FAT4: variants seen among roughly 807,000 people sequenced by gnomAD.
FAT4 encodes protocadherin Fat 4.
FAT4 carries 84 observed loss-of-function variants against 303.9 expected under a neutral mutation model. The observed-to-expected ratio is 0.28, with a 90% CI of 0.23 to 0.33. The LOEUF is 0.33. FAT4 is among the 10% of genes least tolerant of loss of function. The pLI is 1.00. For synonymous variants in FAT4, 2,307 were observed against 2,298.8 expected (o/e 1.00, Z -0.10); for missense variants, 6,005 against 6,146.8 (o/e 0.98, Z 0.77).
chr4:125,411,284 G>A (rs527890128), intron 5 of FAT4, among the ~76,000 whole-genome samples: 8 of 151,996 alleles, frequency 5.3e-5, no homozygotes, highest in Admixed American at 5.2e-4. Context: ...TTCACAAGAA[G>A]GGTAATACCT....
chr4:125,416,695 C>G (rs1735088777), intron 7 of FAT4, 73 bp downstream of exon 7: 20 of 1,512,436 alleles, frequency 1.3e-5, no homozygotes, highest in Non-Finnish European at 1.6e-5. Flanking sequence ...CCTGTAACCC[C>G]AGCACTTTGG....
chr4:125,397,294 G>C (rs1279715841), intron 2 of FAT4, among the ~76,000 whole-genome samples: 1 of 152,096 alleles, frequency 6.6e-6, no homozygotes, highest in East Asian at 1.9e-4. Flanking sequence ...CTGAGGCTAA[G>C]AGAAATTAAG....
chr4:125,476,222 T>C lies in FAT4; in HGVS notation c.12265T>C (p.Cys4089Arg). The change falls in exon 13 of 18, where the codon TGT becomes CGT. Residue 4089 changes from cysteine to arginine, a missense_variant. Transcript: ENST00000394329. ...SCSENQEPGY[C>R]TVSNVAVSDD... The stretch of plus-strand genomic sequence containing the variant: ...TTCTGAGAACCAAGAGCCAGGATAT[T>C]GTACTGTCAGTAATGTGGCAGTTTC... The C allele has an allele frequency of 6.2e-7, 1 of 1,600,690 alleles. No individual in the cohort carries two copies. Among genetic ancestry groups the C allele is most frequent in the Non-Finnish European group, 8.5e-7 (1 of 1,171,210 alleles).
Position 125,451,090 on chromosome 4 carries a change from T to C in FAT4, c.10080T>C (p.Ser3360=). 2 of 1,614,146 alleles carry C rather than the reference T, an allele frequency of 1.2e-6. No homozygotes were observed. Among genetic ancestry groups the C allele is most frequent in the South Asian group, 2.2e-5 (2 of 91,076 alleles). ...AGAAGACTGGACAGATTTATGTTTC[T>C]GGAATTCTTGATCGAGAAAAAGAAG... is the stretch of plus-strand genomic sequence containing the variant. ...INKKTGQIYV[S]GILDREKEER... is the part of the protein sequence containing the mutation. The change falls in exon 10 of 18, where the codon TCT becomes TCC. Residue 3360 remains serine (S), a synonymous_variant. Coordinates refer to ENST00000394329, the MANE Select transcript of FAT4 (RefSeq NM_001291303.3).
Position 125,450,746 on chromosome 4 carries a change from G to A in FAT4, c.9736G>A (p.Asp3246Asn), listed in dbSNP as rs1205012707. 4 of 1,613,948 alleles carry A rather than the reference G, an allele frequency of 2.5e-6. No individual in the cohort carries two copies. The highest frequency in any genetic ancestry group is 3.4e-6 in the Non-Finnish European group (4 of 1,180,022). ...ATCTGACAGTGACCTCTTTGTCATT[G>A]ACCCTAACACAGGAGTCATAACCAC... ...QSSDSDLFVIDPNTGVITTQG... is the reference protein window; with the variant it reads ...QSSDSDLFVINPNTGVITTQG... The change falls in exon 10 of 18, where the codon GAC (aspartate) becomes AAC (asparagine). Residue 3246 changes from aspartate (D) to asparagine (N), a missense_variant. Physicochemically the swap from Asp to Asn is conservative, Grantham distance 23 (BLOSUM62 1). Transcript: ENST00000394329.
Position 125,450,370 on chromosome 4 carries a change from A to G in FAT4, c.9360A>G (p.Ala3120=), listed in dbSNP as rs957324299. 3 of 1,614,146 alleles carry G rather than the reference A, an allele frequency of 1.9e-6. No individual in the cohort carries two copies. Among genetic ancestry groups the G allele is most frequent in the Non-Finnish European group, 8.5e-7 (1 of 1,179,984 alleles). Residue 3120 remains alanine, a synonymous_variant, in exon 10 of 18, where the codon GCA becomes GCG. Transcript: ENST00000394329. ...CTGTTTCTGCAAGAGATAGAGATGC[A>G]GCGATGAATGGCTTGATTAAGTACA... is the stretch of plus-strand genomic sequence containing the variant. ...VRTVSARDRD[A]AMNGLIKYSI...
At chr4:125,354,629 G>A (rs2710564) in intron 2 of FAT4, among the ~76,000 whole-genome samples, 2,725 of 151,392 alleles carry the variant, frequency 0.018, 83 homozygotes, top group African/African-American at 0.062. Context: ...GTAGAGGGTC[G>A]AATGGTGAAG....
At chr4:125,339,760 C>T (rs1242068798) in intron 2 of FAT4, among the ~76,000 whole-genome samples, 1 of 152,106 alleles carries the variant, frequency 6.6e-6, no homozygotes, top group South Asian at 2.1e-4. Flanking sequence ...AGACCTAGAG[C>T]CAAGATTTCA....
intron 2 of FAT4, among the ~76,000 whole-genome samples, chr4:125,326,541 A>G (rs1196559970): frequency 6.6e-6 from 1 of 152,174 alleles, no homozygotes; most frequent in African/African-American, 2.4e-5. Flanking sequence ...CAGATAAGTT[A>G]ATAAGTCGCT....
chr4:125,477,007 G>A, intron 13 of FAT4, 148 bp from the exon 14 acceptor site: 2 of 486,900 alleles, frequency 4.1e-6, no homozygotes, highest in South Asian at 9.5e-5. Context: ...TGTGTGTATT[G>A]GACACTCTTC....
In FAT4 at chr4:125,468,715, C is replaced by T. The variant is rs1235285779; in HGVS notation, c.12109C>T (p.Leu4037=). The change falls in exon 12 of 18, where the codon CTA becomes TTA. Residue 4037 remains leucine (L), a synonymous_variant. Transcript: ENST00000394329. The part of the protein sequence containing the change: ...FLALEIAEER[L]RFSYNLGSGT... Reference sequence around the variant, plus strand: ...GGCCCTTGAAATTGCCGAAGAAAGACTAAGATTCTCTTATAATTTAGGCAG... The same window carrying T: ...GGCCCTTGAAATTGCCGAAGAAAGATTAAGATTCTCTTATAATTTAGGCAG... The T allele has an allele frequency of 6.2e-7, 1 of 1,614,106 alleles. No homozygotes were observed. Among genetic ancestry groups the T allele is most frequent in the South Asian group, 1.1e-5 (1 of 91,084 alleles).
At chr4:125,489,467 G>T (rs1405607217) in intron 17 of FAT4, among the ~76,000 whole-genome samples, 1 of 152,104 alleles carries the variant, frequency 6.6e-6, no homozygotes, top group Admixed American at 6.5e-5. Flanking sequence ...CCTTCAATGG[G>T]AATGCATGAT....
chr4:125,467,039 A>C (rs1726690401), intron 11 of FAT4, among the ~76,000 whole-genome samples: 1 of 152,032 alleles, frequency 6.6e-6, no homozygotes, highest in Non-Finnish European at 1.5e-5. Context: ...GGCCTCCCAA[A>C]GTGCTGGGAT....
chr4:125,322,462 G>C (rs1349602913), intron 2 of FAT4, among the ~76,000 whole-genome samples: 1 of 152,016 alleles, frequency 6.6e-6, no homozygotes, highest in African/African-American at 2.4e-5. Flanking sequence ...ATGTTATTTT[G>C]ATAATCAACT....
intron 8 of FAT4, among the ~76,000 whole-genome samples, chr4:125,440,602 T>A (rs1245034676): frequency 3.5e-5 from 2 of 57,332 alleles, no homozygotes; most frequent in East Asian, 1.3e-3. Flanking sequence ...TGTGTGTGTG[T>A]GTGTGTGTGA....
chr4:125,323,172 A>G (rs1251895968), intron 2 of FAT4, among the ~76,000 whole-genome samples: 1 of 152,178 alleles, frequency 6.6e-6, no homozygotes, highest in Non-Finnish European at 1.5e-5. Flanking sequence ...TAAACTGTAA[A>G]ACAGATTATG....
Position 125,320,733 on chromosome 4 carries a change from C to T in FAT4, c.4322C>T (p.Ser1441Leu). ...ENIPIGTSVISVTAHDPDADI... is the reference protein window; with the variant it reads ...ENIPIGTSVILVTAHDPDADI... ...ATTCCCATCGGTACATCTGTCATTTCAGTGACTGCACATGACCCTGATGCA... is the reference window on the plus strand; with the variant it reads ...ATTCCCATCGGTACATCTGTCATTTTAGTGACTGCACATGACCCTGATGCA... The change falls in exon 2 of 18, where the codon TCA becomes TTA. Residue 1441 changes from serine (S) to leucine (L), a missense_variant. By Grantham distance (145) the Ser-to-Leu change is moderately radical (BLOSUM62 -2). Coordinates refer to ENST00000394329, the MANE Select transcript of FAT4 (RefSeq NM_001291303.3). 1 of 1,614,160 alleles carries T rather than the reference C, an allele frequency of 6.2e-7. No homozygotes were observed. The highest frequency in any genetic ancestry group is 8.5e-7 in the Non-Finnish European group (1 of 1,179,994).
intron 7 of FAT4, among the ~76,000 whole-genome samples, chr4:125,428,246 C>T (rs539759077): frequency 1.3e-5 from 2 of 151,702 alleles, no homozygotes; most frequent in Admixed American, 6.6e-5. Context: ...TGCAGTGAGC[C>T]GAGATCACAC....
chr4:125,381,788 A>G (rs1733552309), intron 2 of FAT4, among the ~76,000 whole-genome samples: 1 of 152,212 alleles, frequency 6.6e-6, no homozygotes, highest in South Asian at 2.1e-4. Flanking sequence ...TTTTACACAT[A>G]GTAGAATGTC....
Sources: allele counts gnomAD v4.1 joint callset (sites outside exome capture counted in the v4.1 genomes callset), GRCh38; gene constraint gnomAD v4.1.1; transcripts MANE v1.5; gene names NCBI Gene and HGNC (gene_info 2026-07-23, HGNC 2026-07-21).